KANK1: variants seen among roughly 807,000 people sequenced by gnomAD.
The protein encoded by KANK1 is KN motif and ankyrin repeat domains 1.
In KANK1, 109 loss-of-function variants were observed where a neutral mutation model predicts 106.2. That is an observed-to-expected ratio of 1.03 (90% CI 0.88 to 1.20). The LOEUF is 1.20. Ranked by LOEUF, KANK1 falls within the 50% of genes most tolerant of loss-of-function variation. The pLI, the probability that KANK1 is intolerant of heterozygous loss-of-function variation, is 0.00. For synonymous variants in KANK1, 873 were observed against 652.2 expected, an observed-to-expected ratio of 1.34 and a Z score of -5.16; for missense variants, 2,399 against 1,710.7, an observed-to-expected ratio of 1.40 and a Z score of -7.10.
chr9:716,075 C>T (rs929830449), intron 3 of KANK1, among the ~76,000 whole-genome samples: 1 of 152,086 alleles, frequency 6.6e-6, no homozygotes, highest in African/African-American at 2.4e-5. Flanking sequence ...TTTGTTTTCC[C>T]CAAATAAAAC....
rs751181457 is a variant in KANK1, at chr9:744,556, T to C, written c.3963T>C (p.Tyr1321=). ...AGHKDIAVLL[Y]AHVNFAKAQS... is the part of the protein sequence containing the mutation. ...ACAAGGACATCGCTGTTCTTCTGTA[T>C]GCCCATGTCAACTTTGCAAAAGCCC... Residue 1321 remains tyrosine (Y), a synonymous_variant, in exon 11 of 12, where the codon TAT becomes TAC. Transcript: ENST00000382297. The C allele has an allele frequency of 5.3e-5, 85 of 1,614,090 alleles. No individual in the cohort carries two copies. Among genetic ancestry groups the C allele is most frequent in the Non-Finnish European group, 6.3e-5 (74 of 1,180,026 alleles).
chr9:637,246 A>T (rs146506798), intron 1 of KANK1, among the ~76,000 whole-genome samples: 1 of 152,152 alleles, frequency 6.6e-6, no homozygotes, highest in African/African-American at 2.4e-5. Flanking sequence ...CTCATTATCT[A>T]TTCACAATAA....
rs548024199 is a variant in KANK1, at chr9:606,392, A to T, written c.-83-70498A>T. Among the ~76,000 whole-genome samples the T allele has an allele frequency of 8.1e-5, 12 of 147,246 alleles. No individual in the cohort carries two copies. In the South Asian group the frequency reaches 2.5e-3, roughly 31 times the overall value. On this transcript the variant is annotated intron_variant, in intron 1 of 11. Transcript: ENST00000382297. ...ACTAACATGGTGAAACCCCGTCTCT[A>T]CTAAAAATACAAAATTAGCCGGGTG...
At chr9:582,987 T>A (rs1822548625) in intron 1 of KANK1, among the ~76,000 whole-genome samples, 2 of 152,108 alleles carry the variant, frequency 1.3e-5, no homozygotes, top group Admixed American at 1.3e-4. Context: ...CCAAAAATAT[T>A]TTTTTTGATA....
At chr9:644,003 T>C (rs1839106041) in intron 1 of KANK1, among the ~76,000 whole-genome samples, 1 of 150,830 alleles carries the variant, frequency 6.6e-6, no homozygotes. Flanking sequence ...ACGCCTGGCC[T>C]TGATTTGTTT....
intron 3 of KANK1, among the ~76,000 whole-genome samples, chr9:497,831 C>T (rs200924617): frequency 8.2e-5 from 12 of 146,218 alleles, no homozygotes; most frequent in Admixed American, 4.0e-4. Flanking sequence ...CCAGCCTGGG[C>T]GACAGAGTGA....
At chr9:567,121 T>G (rs950574448) in intron 1 of KANK1, among the ~76,000 whole-genome samples, 7 of 152,232 alleles carry the variant, frequency 4.6e-5, no homozygotes, top group African/African-American at 1.2e-4. Flanking sequence ...ATTGCTTGTT[T>G]TTGTCAGGTT....
At chr9:565,101 T>C (rs1817492625) in intron 1 of KANK1, among the ~76,000 whole-genome samples, 1 of 152,188 alleles carries the variant, frequency 6.6e-6, no homozygotes, top group South Asian at 2.1e-4. Flanking sequence ...CCCCTTTTCT[T>C]CCTTTGCAAA....
chr9:612,400 A>G (rs999107548), intron 1 of KANK1, among the ~76,000 whole-genome samples: 2 of 152,242 alleles, frequency 1.3e-5, no homozygotes, highest in African/African-American at 4.8e-5. Flanking sequence ...AACAGTATGT[A>G]GGCCCGGTTT....
chr9:568,249 T>A (rs1818294559), intron 1 of KANK1, among the ~76,000 whole-genome samples: 1 of 152,222 alleles, frequency 6.6e-6, no homozygotes, highest in Non-Finnish European at 1.5e-5. Flanking sequence ...GTTGATATAG[T>A]CCCTTCCATT....
At chr9:532,843 T>C (rs1274607504) in intron 1 of KANK1, among the ~76,000 whole-genome samples, 1 of 152,146 alleles carries the variant, frequency 6.6e-6, no homozygotes, top group Admixed American at 6.5e-5. Flanking sequence ...GTCTCAACCT[T>C]GTTTTTCTTA....
At chr9:518,470 G>C (rs1172721938) in intron 1 of KANK1, among the ~76,000 whole-genome samples, 3 of 151,722 alleles carry the variant, frequency 2.0e-5, no homozygotes, top group Non-Finnish European at 4.4e-5. Flanking sequence ...GACACTTCAA[G>C]GGGATCTGAT....
intron 1 of KANK1, among the ~76,000 whole-genome samples, chr9:647,480 C>G (rs1839932766): frequency 6.6e-6 from 1 of 150,848 alleles, no homozygotes; most frequent in Non-Finnish European, 1.5e-5. Flanking sequence ...GGTCAGGTTC[C>G]AAACTAGTGA....
At chr9:629,073 T>A (rs1239136141) in intron 1 of KANK1, among the ~76,000 whole-genome samples, 1 of 76,808 alleles carries the variant, frequency 1.3e-5, no homozygotes, top group Admixed American at 1.4e-4. Flanking sequence ...GGCACAACTG[T>A]TTCCAAAAAA....
chr9:725,099 A>G (rs938352986), intron 3 of KANK1, among the ~76,000 whole-genome samples: 6 of 152,130 alleles, frequency 3.9e-5, no homozygotes, highest in Admixed American at 3.3e-4. Context: ...GGTAGCCCCC[A>G]TGTCCCACAG....
intron 1 of KANK1, among the ~76,000 whole-genome samples, chr9:561,428 A>T (rs766897442): frequency 2.6e-5 from 4 of 152,174 alleles, no homozygotes; most frequent in African/African-American, 9.7e-5. Context: ...ACCATCCCTG[A>T]CAGTTACTTT....
chr9:706,773 C>T (rs907641408), intron 2 of KANK1: 39 of 985,244 alleles, frequency 4.0e-5, no homozygotes, highest in Non-Finnish European at 4.7e-5. Context: ...GAGTGCTGCC[C>T]GGATCCTGAG....
At chr9:527,162 A>C (rs1222627328) in intron 1 of KANK1, among the ~76,000 whole-genome samples, 1 of 151,534 alleles carries the variant, frequency 6.6e-6, no homozygotes, top group Non-Finnish European at 1.5e-5. Context: ...CTGTCCATTC[A>C]TCCTTTCTTC....
At chr9:573,632 G>T (rs1819784241) in intron 1 of KANK1, among the ~76,000 whole-genome samples, 1 of 152,066 alleles carries the variant, frequency 6.6e-6, no homozygotes, top group Non-Finnish European at 1.5e-5. Context: ...AGGTGGTGAG[G>T]ATAGCAGGGA....
Sources: allele counts gnomAD v4.1 joint callset (sites outside exome capture counted in the v4.1 genomes callset), GRCh38; gene constraint gnomAD v4.1.1; transcripts MANE v1.5; gene names NCBI Gene and HGNC (gene_info 2026-07-23, HGNC 2026-07-21).